PPP2R5C: variants seen among roughly 807,000 people sequenced by gnomAD.
PPP2R5C encodes protein phosphatase 2 regulatory subunit B'gamma.
PPP2R5C carries 7 observed loss-of-function variants against 68.9 expected under a neutral mutation model. The ratio of observed to expected loss-of-function variants is 0.10; its 90% CI spans 0.06 to 0.19. PPP2R5C has a LOEUF of 0.19. PPP2R5C is among the 10% of genes least tolerant of loss of function. The pLI is 1.00. For missense variants in PPP2R5C, 348 were observed against 641.3 expected (o/e 0.54, Z 4.94); for synonymous variants, 210 against 222.2 (o/e 0.95, Z 0.49).
At chr14:101,801,628 T>C (rs1276353885) in intron 3 of PPP2R5C, among the ~76,000 whole-genome samples, 1 of 152,208 alleles carries the variant, frequency 6.6e-6, no homozygotes, top group Non-Finnish European at 1.5e-5. Context: ...AATGAAGTTA[T>C]CAAGGAGAGA....
At chr14:101,789,214 C>T (rs546946088) in intron 3 of PPP2R5C, among the ~76,000 whole-genome samples, 1 of 152,330 alleles carries the variant, frequency 6.6e-6, no homozygotes, top group Admixed American at 6.5e-5. Context: ...TATTCTGCCA[C>T]TAAGAAGGAC....
chr14:101,846,835 C>T (rs1051540437), intron 1 of PPP2R5C, among the ~76,000 whole-genome samples: 3 of 152,202 alleles, frequency 2.0e-5, no homozygotes, highest in African/African-American at 7.2e-5. Context: ...CATGTCTCTC[C>T]TGAACAGAGA....
At chr14:101,927,422 G>C (rs910217954) in exon 14 of PPP2R5C, 1 of 152,744 alleles carries the variant, frequency 6.5e-6, no homozygotes, top group African/African-American at 2.4e-5. Flanking sequence ...TGTGCTAATT[G>C]TCAGCTTACA....
chr14:101,816,908 A>AT (rs2039735900), intron 1 of PPP2R5C, among the ~76,000 whole-genome samples: 2 of 89,704 alleles, frequency 2.2e-5, no homozygotes, highest in African/African-American at 1.3e-4. Flanking sequence ...AAATATATAT[A>AT]TAATATATAT....
rs2044956887 is a variant in PPP2R5C at position 101,891,937 on chromosome 14, G to T, written c.690-1063G>T. On this transcript the variant is annotated intron_variant, in intron 6 of 13. Coordinates refer to ENST00000334743, the Ensembl canonical transcript of PPP2R5C. This position sits in a 1 kb window ranked among gnomAD's most constrained non-coding sequence, Gnocchi z 4.9. Reference sequence around the variant, plus strand: ...ACCTCTTTTCTTGCACAAGGGAACAGCTTTCTGTTTTTTTGTTTGTTTTTT... The same window carrying T: ...ACCTCTTTTCTTGCACAAGGGAACATCTTTCTGTTTTTTTGTTTGTTTTTT... Among the ~76,000 whole-genome samples, 1 of 152,146 alleles carries T rather than the reference G, an allele frequency of 6.6e-6. No individual in the cohort carries two copies. The highest frequency in any genetic ancestry group is 1.5e-5 in the Non-Finnish European group (1 of 68,020).
intron 2 of PPP2R5C, among the ~76,000 whole-genome samples, chr14:101,881,349 G>A (rs1184910851): frequency 2.6e-5 from 4 of 152,098 alleles, no homozygotes; most frequent in Non-Finnish European, 4.4e-5. Flanking sequence ...GTGATGAGTC[G>A]AGTTCGCACC....
intron 3 of PPP2R5C, among the ~76,000 whole-genome samples, chr14:101,790,854 G>A (rs1595171852): frequency 6.6e-6 from 1 of 152,244 alleles, no homozygotes; most frequent in Admixed American, 6.5e-5. Flanking sequence ...GCCGAGGCGG[G>A]CGGATCATGA....
intron 1 of PPP2R5C, among the ~76,000 whole-genome samples, chr14:101,814,348 T>C (rs2039536644): frequency 1.3e-5 from 2 of 152,226 alleles, no homozygotes; most frequent in Non-Finnish European, 2.9e-5. Context: ...TCCAATCCTG[T>C]ATCCTAGGTG....
chr14:101,816,256 G>T (rs558628633), intron 1 of PPP2R5C, among the ~76,000 whole-genome samples: 18 of 152,242 alleles, frequency 1.2e-4, no homozygotes, highest in African/African-American at 4.1e-4. Flanking sequence ...CGCTGTTTCC[G>T]CTCCCTGTCA....
At chr14:101,822,325 A>G (rs904310262) in intron 1 of PPP2R5C, among the ~76,000 whole-genome samples, 12 of 152,332 alleles carry the variant, frequency 7.9e-5, no homozygotes, top group Admixed American at 2.0e-4. Flanking sequence ...CCCAAAGAGA[A>G]AAACACGAAC....
intron 2 of PPP2R5C, among the ~76,000 whole-genome samples, chr14:101,857,928 T>C (rs78916268): frequency 0.037 from 5,598 of 152,294 alleles, 218 homozygotes; most frequent in African/African-American, 0.096. Flanking sequence ...GTATGTTTGC[T>C]TTGGAAAAAG....
chr14:101,804,423 T>C (rs989476446), intron 3 of PPP2R5C, among the ~76,000 whole-genome samples: 5 of 152,322 alleles, frequency 3.3e-5, no homozygotes, highest in South Asian at 2.1e-4. Context: ...TGCACTCCTA[T>C]GTTTGTTGCA....
chr14:101,882,414 A>G lies in PPP2R5C; in HGVS notation c.405+143A>G. 1 of 552,234 alleles carries G rather than the reference A, an allele frequency of 1.8e-6. No homozygotes were observed. Among genetic ancestry groups the G allele is most frequent in the East Asian group, 3.1e-5 (1 of 32,232 alleles). 34.2% of individuals were successfully genotyped at this position (552,234 alleles called of 1,614,324 possible). A position where few individuals can be genotyped will look rare whatever the true frequency, so the allele number is the denominator to read the frequency against. ...GCCTCGTAAACCCATATGTACAAGA[A>G]AAATATTTCAGCAGAATAAAGTTAA... On this transcript the variant is annotated intron_variant, in intron 3 of 13. Coordinates refer to ENST00000334743, the Ensembl canonical transcript of PPP2R5C. The surrounding 1 kb of genome is among the most constrained non-coding windows in gnomAD (Gnocchi z 4.9).
rs1341635637 is a variant in PPP2R5C at position 101,777,411 on chromosome 14, G to A, written c.94-8607G>A. Among the ~76,000 whole-genome samples the A allele has an allele frequency of 2.6e-5, 4 of 151,864 alleles. No homozygotes were observed. In the South Asian group the frequency reaches 6.2e-4, roughly 24 times the overall value. ...GTTGCCCAGGCTGGAGTATAGTGGC[G>A]CCATCTCAGCTCACTGCAACCTCTA... On this transcript the variant is annotated intron_variant, in intron 2 of 14. Coordinates refer to the PPP2R5C transcript ENST00000328724.
chr14:101,831,707 A>C (rs763705527), intron 1 of PPP2R5C: 2 of 695,162 alleles, frequency 2.9e-6, no homozygotes, highest in Non-Finnish European at 5.3e-6. Flanking sequence ...GCAGATTGCA[A>C]ATGCACAAGA....
intron 1 of PPP2R5C, among the ~76,000 whole-genome samples, chr14:101,837,862 A>G (rs560661579): frequency 6.6e-6 from 1 of 152,336 alleles, no homozygotes; most frequent in East Asian, 1.9e-4. Context: ...CGCATTTCAC[A>G]GATGGGGGAA....
rs963964820 is a variant in PPP2R5C at position 101,915,896 on chromosome 14, G to A, written c.1327-1935G>A. 6.6e-6 allele frequency among the ~76,000 whole-genome samples: 1 copy of A among 152,154 alleles called. No individual in the cohort carries two copies. Among genetic ancestry groups the A allele is most frequent in the South Asian group, 2.1e-4 (1 of 4,826 alleles). ...CTCTAAAGAAAGACACACACAGTAC[G>A]GGGGCCTGGCCTCTTGGTTTGACTG... On this transcript the variant is annotated intron_variant, in intron 12 of 13. Coordinates refer to ENST00000334743, the Ensembl canonical transcript of PPP2R5C. This position sits in a 1 kb window ranked among gnomAD's most constrained non-coding sequence, Gnocchi z 4.2.
intron 1 of PPP2R5C, among the ~76,000 whole-genome samples, chr14:101,853,103 C>G (rs527941835): frequency 1.6e-4 from 25 of 151,976 alleles, no homozygotes; most frequent in African/African-American, 5.3e-4. Flanking sequence ...GTCAACGCAG[C>G]AGAAAATAAG....
chr14:101,761,192 T>G (rs888605579), upstream of PPP2R5C, among the ~76,000 whole-genome samples: 5 of 152,152 alleles, frequency 3.3e-5, no homozygotes, highest in African/African-American at 4.8e-5. Context: ...CCAGGCACTC[T>G]TGACTGCAAC....
Sources: allele counts gnomAD v4.1 joint callset (sites outside exome capture counted in the v4.1 genomes callset), GRCh38; gene constraint gnomAD v4.1.1; non-coding constraint Gnocchi (gnomAD v3.1); transcripts MANE v1.5; gene names NCBI Gene and HGNC (gene_info 2026-07-23, HGNC 2026-07-21).